The following TAF4 variants were observed in gnomAD, a reference collection of about 807,000 sequenced individuals.
TAF4 encodes the protein transcription initiation factor TFIID subunit 4.
TAF4 carries 9 observed loss-of-function variants against 90.3 expected under a neutral mutation model. The ratio of observed to expected loss-of-function variants is 0.10; its 90% CI spans 0.06 to 0.17. The LOEUF (loss-of-function observed/expected upper bound fraction) is 0.17, where lower values mean the gene tolerates loss of function less well. Ranked by LOEUF, TAF4 falls within the 10% of genes least tolerant of loss-of-function variation. The pLI, the probability that TAF4 is intolerant of heterozygous loss-of-function variation, is 1.00. For missense variants in TAF4, 1,351 were observed against 1,370.7 expected (o/e 0.99, Z 0.23); for synonymous variants, 818 against 638.9 (o/e 1.28, Z -4.23).
intron 1 of TAF4, among the ~76,000 whole-genome samples, chr20:62,040,966 G>A (rs1415568559): frequency 6.6e-6 from 1 of 152,242 alleles, no homozygotes; most frequent in South Asian, 2.1e-4. Context: ...CAAATGTATA[G>A]CGTACATCCA....
chr20:62,011,317 G>A (rs1274644306), intron 3 of TAF4, among the ~76,000 whole-genome samples: 5 of 152,128 alleles, frequency 3.3e-5, no homozygotes, highest in South Asian at 4.1e-4. Context: ...CATCTTTTGG[G>A]AGTCTTCTTT....
At chr20:62,041,490 G>C (rs116250695) in intron 1 of TAF4, among the ~76,000 whole-genome samples, 2 of 152,012 alleles carry the variant, frequency 1.3e-5, no homozygotes, top group Non-Finnish European at 2.9e-5. Flanking sequence ...TCAGCCAGGC[G>C]TGGTAGCATA....
intron 1 of TAF4, among the ~76,000 whole-genome samples, chr20:62,063,533 CAG>C (rs2056102017): frequency 6.6e-6 from 1 of 152,162 alleles, no homozygotes; most frequent in Non-Finnish European, 1.5e-5. Flanking sequence ...TGAGGAGTCG[CAG>C]AGACAGCAGA....
At chr20:62,000,758 A>G (rs1216857564) in intron 9 of TAF4, 37 bp from the exon 10 acceptor site, 1 of 1,610,234 alleles carries the variant, frequency 6.2e-7, no homozygotes, top group East Asian at 2.2e-5. Context: ...TAACTGTACA[A>G]GGAATTCATC....
intron 1 of TAF4, among the ~76,000 whole-genome samples, chr20:62,032,028 A>G (rs1015372047): frequency 4.6e-5 from 7 of 152,230 alleles, no homozygotes; most frequent in African/African-American, 1.7e-4. Flanking sequence ...TCCTTCTGCG[A>G]GCCTGCACCT....
intron 1 of TAF4, among the ~76,000 whole-genome samples, chr20:62,064,094 C>T (rs1192136190): frequency 6.6e-6 from 1 of 152,234 alleles, no homozygotes; most frequent in Non-Finnish European, 1.5e-5. Flanking sequence ...GCCCAGGGAG[C>T]CCCTGCGCTG....
In TAF4 at chr20:62,012,919, T is replaced by A. The variant is rs768283223; in HGVS notation, c.1537A>T (p.Ile513Phe). The A allele has an allele frequency of 1.2e-6, 2 of 1,613,492 alleles. No homozygotes were observed. Among genetic ancestry groups the A allele is most frequent in the East Asian group, 2.2e-5 (1 of 44,878 alleles). ...GTTGGGGTCACCTGCCGTGCAATGA[T>A]AGGTGTTCCAGGTGCCTGAAAAATA... ...ISTVQAPGTP[I>F]IARQVTPTTI... is the part of the protein sequence containing the mutation. Residue 513 changes from isoleucine to phenylalanine, a missense_variant, in exon 3 of 15, where the codon ATC becomes TTC. Around this residue, in one of 9 missense-constraint regions of TAF4, gnomAD observed 143 missense variants for 176.3 expected, o/e 0.81. Transcript: ENST00000252996.
intron 1 of TAF4, among the ~76,000 whole-genome samples, chr20:62,037,026 G>A (rs1323502314): frequency 4.6e-5 from 7 of 152,214 alleles, no homozygotes; most frequent in East Asian, 3.8e-4. Context: ...CCAGGACTGT[G>A]AGAAATGAAT....
intron 14 of TAF4, among the ~76,000 whole-genome samples, chr20:61,984,470 C>T (rs1053068912): frequency 7.9e-5 from 12 of 152,220 alleles, no homozygotes; most frequent in Non-Finnish European, 1.8e-4. Context: ...CACCTGTCAC[C>T]GTGTCGACAG....
intron 5 of TAF4, among the ~76,000 whole-genome samples, chr20:62,008,675 G>C (rs1225622654): frequency 6.6e-6 from 1 of 152,178 alleles, no homozygotes; most frequent in South Asian, 2.1e-4. Context: ...GCGGACACCT[G>C]GGAATTTTAT....
At chr20:62,041,282 G>A (rs1409148213) in intron 1 of TAF4, among the ~76,000 whole-genome samples, 1 of 152,170 alleles carries the variant, frequency 6.6e-6, no homozygotes, top group Non-Finnish European at 1.5e-5. Flanking sequence ...TATAAATTAT[G>A]TCCCCTCCAA....
rs760233744 is a variant in TAF4 at position 62,064,517 on chromosome 20, G to A, written c.1294C>T (p.Leu432=). 4.4e-5 allele frequency: 68 copies of A among 1,529,238 alleles called. No homozygotes were observed. In the South Asian group the frequency reaches 5.6e-4, roughly 13 times the overall value. 94.7% of individuals were successfully genotyped at this position (1,529,238 alleles called of 1,614,324 possible). A position where few individuals can be genotyped will look rare whatever the true frequency, so the allele number is the denominator to read the frequency against. ...GGCGGCTGCGGCAAGCGGGGGGCCAGCACGGTGGGCGTCAGGGTGGCCCGA... is the reference window on the plus strand; with the variant it reads ...GGCGGCTGCGGCAAGCGGGGGGCCAACACGGTGGGCGTCAGGGTGGCCCGA... The part of the protein sequence containing the change: ...GIRATLTPTV[L]APRLPQPPQN... Residue 432 remains leucine, a synonymous_variant, in exon 1 of 15, where the codon CTG becomes TTG. Coordinates refer to ENST00000252996, the MANE Select transcript of TAF4 (RefSeq NM_003185.4).
At chr20:62,009,506 G>T (rs1030835871) in intron 4 of TAF4, among the ~76,000 whole-genome samples, 1 of 152,196 alleles carries the variant, frequency 6.6e-6, no homozygotes, top group South Asian at 2.1e-4. Context: ...CAATCCAAAC[G>T]GACACAGAAG....
intron 1 of TAF4, among the ~76,000 whole-genome samples, chr20:62,028,201 C>G (rs1173953431): frequency 6.6e-6 from 1 of 152,172 alleles, no homozygotes; most frequent in Non-Finnish European, 1.5e-5. Flanking sequence ...GGGACAGACC[C>G]ACCCAACACA....
At chr20:61,999,193 T>C in intron 11 of TAF4, 85 bp from the exon 12 acceptor site, 1 of 1,526,440 alleles carries the variant, frequency 6.6e-7, no homozygotes. Flanking sequence ...GGACCATCCG[T>C]GCACAACGCC....
rs902950204 is a variant in TAF4 at position 61,997,565 on chromosome 20, C to T, written c.3075G>A (p.Pro1025=). 7.5e-6 allele frequency: 12 copies of T among 1,597,422 alleles called. No homozygotes were observed. The highest frequency in any genetic ancestry group is 4.6e-5 in the East Asian group (2 of 43,694). The part of the protein sequence containing the change: ...RKKRKVDCPG[P]GSGAEGSGPG... ...ACTGCCGTACCTCTGCTCCTGAGCC[C>T]GGCCCCGGACAGTCCACTTTCCTCT... Residue 1025 remains proline (P), a synonymous_variant, in exon 14 of 15, where the codon CCG becomes CCA. Coordinates refer to ENST00000252996, the MANE Select transcript of TAF4 (RefSeq NM_003185.4).
At chr20:61,999,202 C>T (rs2055682596) in intron 11 of TAF4, 94 bp from the exon 12 acceptor site, 4 of 1,496,752 alleles carry the variant, frequency 2.7e-6, no homozygotes, top group Admixed American at 3.6e-5. Context: ...GTGCACAACG[C>T]CCTCCCTCCG....
chr20:62,052,722 C>CA (rs2056036603), intron 1 of TAF4, among the ~76,000 whole-genome samples: 1 of 149,590 alleles, frequency 6.7e-6, no homozygotes, highest in African/African-American at 2.5e-5. Flanking sequence ...CCCCCCACAC[C>CA]CCAGGTCCCT....
chr20:62,053,609 G>T (rs562849934), intron 1 of TAF4, among the ~76,000 whole-genome samples: 1 of 152,278 alleles, frequency 6.6e-6, no homozygotes, highest in East Asian at 1.9e-4. Context: ...AAGCAACTCC[G>T]CCAGCAAGCT....
Sources: gnomAD v4.1 joint callset for allele counts (sites outside exome capture counted in the v4.1 genomes callset) on GRCh38, gnomAD v4.1.1 for gene constraint, gnomAD v4.1.1 regional missense constraint, MANE v1.5 for transcripts, NCBI Gene and HGNC (gene_info 2026-07-23, HGNC 2026-07-21) for gene names.